The following ARRDC5 variants were observed in gnomAD, a reference collection of about 807,000 sequenced individuals.
ARRDC5 encodes arrestin domain-containing protein 5.
Under a neutral mutation model 13.3 loss-of-function variants are expected in ARRDC5, and 12 were observed. The observed-to-expected ratio is 0.90, with a 90% confidence interval of 0.58 to 1.46. ARRDC5 has a LOEUF of 1.46. Ranked by LOEUF, ARRDC5 falls within the 40% of genes most tolerant of loss-of-function variation. ARRDC5 has a pLI of 0.00. For synonymous variants in ARRDC5, 181 were observed against 173.4 expected (o/e 1.04, Z -0.34); for missense variants, 406 against 418.7 (o/e 0.97, Z 0.26).
chr19:4,912,592 T>C, the ARRDC5 span, among the ~76,000 whole-genome samples: 35 of 152,306 alleles, frequency 2.3e-4, 1 homozygote, highest in African/African-American at 7.2e-4. Flanking sequence ...TTCTGACTTA[T>C]TAGGTTTATC....
the ARRDC5 span, among the ~76,000 whole-genome samples, chr19:4,913,939 G>A: frequency 6.6e-6 from 1 of 151,040 alleles, no homozygotes; most frequent in Admixed American, 6.6e-5. Flanking sequence ...AGCCTCCCGA[G>A]TAGCTGGGAT....
At chr19:4,907,850 T>C (rs528565467), upstream of ARRDC5, among the ~76,000 whole-genome samples, 5 of 151,696 alleles carry the variant, frequency 3.3e-5, no homozygotes, top group Non-Finnish European at 7.4e-5. Context: ...GTAGCTGGGA[T>C]TACAGACATG....
chr19:4,914,905 G>A, the ARRDC5 span, among the ~76,000 whole-genome samples: 31 of 152,214 alleles, frequency 2.0e-4, no homozygotes, highest in African/African-American at 7.2e-4. Flanking sequence ...CAATGAAAGC[G>A]AAATCAATCT....
At chr19:4,898,453 C>T (rs551317401) in intron 1 of ARRDC5, among the ~76,000 whole-genome samples, 25 of 152,088 alleles carry the variant, frequency 1.6e-4, no homozygotes, top group African/African-American at 5.8e-4. Flanking sequence ...CCTCCGCCTC[C>T]TAGGTTCAAG....
upstream of ARRDC5, among the ~76,000 whole-genome samples, chr19:4,906,830 A>G (rs1322469351): frequency 6.6e-6 from 1 of 152,194 alleles, no homozygotes; most frequent in Non-Finnish European, 1.5e-5. Context: ...CAGCGCTACA[A>G]ACAGATGATG....
chr19:4,903,484 T>G (rs73532652), upstream of ARRDC5: 2 of 151,926 alleles, frequency 1.3e-5, no homozygotes, highest in Non-Finnish European at 2.9e-5. Context: ...CTTTGCTAAT[T>G]TTTTTTTGGT....
chr19:4,897,206 C>A (rs1012325164), intron 1 of ARRDC5, among the ~76,000 whole-genome samples: 2 of 152,212 alleles, frequency 1.3e-5, no homozygotes, highest in Non-Finnish European at 2.9e-5. Flanking sequence ...ATCCGCCCGT[C>A]TTGCCCTCCC....
At chr19:4,912,189 G>A in the ARRDC5 span, among the ~76,000 whole-genome samples, 1 of 152,192 alleles carries the variant, frequency 6.6e-6, no homozygotes, top group Non-Finnish European at 1.5e-5. Flanking sequence ...TGGAGAACTT[G>A]GGGAGTTGAC....
At chr19:4,903,842 T>C (rs2032001309), upstream of ARRDC5, among the ~76,000 whole-genome samples, 1 of 152,134 alleles carries the variant, frequency 6.6e-6, no homozygotes, top group African/African-American at 2.4e-5. Context: ...TCTACATTTA[T>C]ATTGGTCTAT....
At chr19:4,909,255 C>CG in the ARRDC5 span, 2 of 520,996 alleles carry the variant, frequency 3.8e-6, no homozygotes, top group South Asian at 2.5e-5. Context: ...TGTCCACGTG[C>CG]GGGGGGTGAC....
upstream of ARRDC5, among the ~76,000 whole-genome samples, chr19:4,904,283 AT>A (rs2032016074): frequency 6.6e-6 from 1 of 151,766 alleles, no homozygotes; most frequent in Admixed American, 6.6e-5. Context: ...TGTTCATGCC[AT>A]TCTCCTGCCT....
chr19:4,893,376 C>T (rs981522938), intron 2 of ARRDC5, among the ~76,000 whole-genome samples: 47 of 139,490 alleles, frequency 3.4e-4, no homozygotes, highest in African/African-American at 5.1e-4. Flanking sequence ...TGTGATGGCA[C>T]GCAACTGTAA....
At chr19:4,893,201 T>TTA (rs927303003) in intron 2 of ARRDC5, among the ~76,000 whole-genome samples, 1 of 139,996 alleles carries the variant, frequency 7.1e-6, no homozygotes, top group Admixed American at 8.2e-5. Flanking sequence ...ATATAACATA[T>TTA]TATATATATA....
In ARRDC5 at chr19:4,891,891, G is replaced by T. The variant is rs1419103743; in HGVS notation, c.460-318C>A. ...AATCTCTTGAACCCGGGAGGTGGAGGTTGCAGTGAGCCGAGATTGTGTGAT... is the reference window on the plus strand; with the variant it reads ...AATCTCTTGAACCCGGGAGGTGGAGTTTGCAGTGAGCCGAGATTGTGTGAT... On this transcript the variant is annotated intron_variant, in intron 2 of 2. Coordinates refer to ENST00000650722, the MANE Select transcript of ARRDC5 (RefSeq NM_001080523.3). Among the ~76,000 whole-genome samples, 5 of 149,796 alleles carry T rather than the reference G, an allele frequency of 3.3e-5. No homozygotes were observed. In the South Asian group the frequency reaches 1.1e-3, roughly 32 times the overall value.
At chr19:4,913,354 AG>A in the ARRDC5 span, among the ~76,000 whole-genome samples, 3 of 147,042 alleles carry the variant, frequency 2.0e-5, no homozygotes, top group Non-Finnish European at 4.4e-5. Flanking sequence ...CCCAAGTTCA[AG>A]CGATCCTCCT....
intron 2 of ARRDC5, among the ~76,000 whole-genome samples, chr19:4,894,475 C>T (rs1250281758): frequency 7.9e-6 from 1 of 127,014 alleles, no homozygotes; most frequent in African/African-American, 3.0e-5. Context: ...CCCGCCACTG[C>T]ACTCCAGCCT....
the ARRDC5 span, among the ~76,000 whole-genome samples, chr19:4,916,158 T>C: frequency 6.6e-6 from 1 of 151,934 alleles, no homozygotes; most frequent in African/African-American, 2.4e-5. Context: ...AAATGAAAAT[T>C]AGCCGGGCAT....
At chr19:4,896,327 AAAATAT>A (rs1308473682) in intron 2 of ARRDC5, among the ~76,000 whole-genome samples, 12 of 70,150 alleles carry the variant, frequency 1.7e-4, no homozygotes, top group Admixed American at 6.0e-4. Context: ...AAAAAAAAAA[AAAATAT>A]ATATATATAT....
At chr19:4,906,774 AAAAG>A (rs2032072246), upstream of ARRDC5, among the ~76,000 whole-genome samples, 1 of 152,186 alleles carries the variant, frequency 6.6e-6, no homozygotes, top group African/African-American at 2.4e-5. Context: ...GAAAAAAAGA[AAAAG>A]AAAAATGTAT....
Sources: allele counts gnomAD v4.1 joint callset (sites outside exome capture counted in the v4.1 genomes callset), GRCh38; gene constraint gnomAD v4.1.1; transcripts MANE v1.5; gene names NCBI Gene and HGNC (gene_info 2026-07-23, HGNC 2026-07-21).